Variants in SEMA5A observed in about 807,000 individuals in gnomAD.
The protein encoded by SEMA5A is semaphorin-5A.
In SEMA5A, 55 loss-of-function variants were observed where a neutral mutation model predicts 135.5. The ratio of observed to expected loss-of-function variants is 0.41; its 90% CI spans 0.33 to 0.51. SEMA5A has a LOEUF of 0.51. Ranked by LOEUF, SEMA5A falls within the 20% of genes least tolerant of loss-of-function variation. The pLI is 0.37. For missense variants in SEMA5A, 1,290 were observed against 1,419.9 expected, an observed-to-expected ratio of 0.91 and a Z score of 1.47; for synonymous variants, 580 against 546.5, an observed-to-expected ratio of 1.06 and a Z score of -0.85.
chr5:9,417,971 G>A (rs1278555187), intron 2 of SEMA5A, among the ~76,000 whole-genome samples: 3 of 133,902 alleles, frequency 2.2e-5, no homozygotes, highest in African/African-American at 8.8e-5. Flanking sequence ...GTTCTCCAGT[G>A]TCTCTTCTTT....
At chr5:9,197,784 G>GTT (rs762751857) in intron 9 of SEMA5A, among the ~76,000 whole-genome samples, 34 of 108,692 alleles carry the variant, frequency 3.1e-4, no homozygotes, top group Non-Finnish European at 3.3e-4. Context: ...GTGTGTGTGT[G>GTT]TTTTAACCCA....
intron 11 of SEMA5A, among the ~76,000 whole-genome samples, chr5:9,155,591 C>T (rs1321061571): frequency 6.6e-6 from 1 of 152,176 alleles, no homozygotes; most frequent in Non-Finnish European, 1.5e-5. Flanking sequence ...CTGGAATCAT[C>T]CTGAAGGCCC....
chr5:9,316,412 C>A (rs1280892581), intron 5 of SEMA5A, among the ~76,000 whole-genome samples: 2 of 152,126 alleles, frequency 1.3e-5, no homozygotes, highest in East Asian at 3.9e-4. Context: ...TACTTCTAAA[C>A]CCTCTCAGCT....
intron 5 of SEMA5A, among the ~76,000 whole-genome samples, chr5:9,250,777 T>C (rs3026319): frequency 0.04 from 6,080 of 152,204 alleles, 160 homozygotes; most frequent in Non-Finnish European, 0.059. Flanking sequence ...TACACAAACA[T>C]AAATTTCAAA....
At chr5:9,364,054 G>C (rs1754812187) in intron 3 of SEMA5A, among the ~76,000 whole-genome samples, 1 of 152,122 alleles carries the variant, frequency 6.6e-6, no homozygotes, top group Non-Finnish European at 1.5e-5. Context: ...TCTTAAATAA[G>C]TATAGTAATG....
chr5:9,184,192 C>A (rs1744680311), intron 11 of SEMA5A, among the ~76,000 whole-genome samples: 1 of 151,698 alleles, frequency 6.6e-6, no homozygotes, highest in Non-Finnish European at 1.5e-5. Flanking sequence ...ATTGCATAAC[C>A]ATGTTTCACA....
chr5:9,073,826 C>T (rs900005129), intron 16 of SEMA5A, among the ~76,000 whole-genome samples: 3 of 151,854 alleles, frequency 2.0e-5, no homozygotes, highest in African/African-American at 4.8e-5. Context: ...CAACAAGCTA[C>T]CAGAAATTAA....
At chr5:9,108,099 G>T in intron 16 of SEMA5A, 41 bp downstream of exon 16, 1 of 1,601,242 alleles carries the variant, frequency 6.2e-7, no homozygotes. Flanking sequence ...TGTATTCCTG[G>T]TTCTGGATTG....
At chr5:9,174,086 A>T (rs541431446) in intron 11 of SEMA5A, among the ~76,000 whole-genome samples, 1 of 152,336 alleles carries the variant, frequency 6.6e-6, no homozygotes, top group East Asian at 1.9e-4. Flanking sequence ...CCAAAATAAA[A>T]GTAATTCTGA....
intron 1 of SEMA5A, among the ~76,000 whole-genome samples, chr5:9,460,465 C>A (rs1006868355): frequency 1.2e-4 from 18 of 152,030 alleles, no homozygotes; most frequent in Admixed American, 1.2e-3. Context: ...TTTTTAAAAT[C>A]ATATTTATGA....
intron 11 of SEMA5A, among the ~76,000 whole-genome samples, chr5:9,172,321 T>C (rs1743969861): frequency 6.6e-6 from 1 of 152,222 alleles, no homozygotes; most frequent in African/African-American, 2.4e-5. Context: ...CAGTTCCTTG[T>C]GACGATTGCC....
intron 11 of SEMA5A, among the ~76,000 whole-genome samples, chr5:9,187,100 C>CTTTAACA (rs3839319): frequency 0.11 from 16,587 of 151,764 alleles, 1,502 homozygotes; most frequent in East Asian, 0.29. Context: ...AATCTCTAGT[C>CTTTAACA]TTTAACATTT....
intron 5 of SEMA5A, among the ~76,000 whole-genome samples, chr5:9,241,098 T>C (rs569331634): frequency 6.6e-5 from 10 of 152,256 alleles, no homozygotes; most frequent in African/African-American, 2.2e-4. Flanking sequence ...GCAGTAATAT[T>C]GTGGTTACTT....
chr5:9,196,412 C>T (rs1044303834), intron 10 of SEMA5A, among the ~76,000 whole-genome samples: 12 of 152,164 alleles, frequency 7.9e-5, no homozygotes, highest in African/African-American at 2.9e-4. Flanking sequence ...AAGAGAGAGC[C>T]CTCACCTGAA....
At chr5:9,539,935 T>C (rs1003394029) in intron 1 of SEMA5A, among the ~76,000 whole-genome samples, 5 of 152,180 alleles carry the variant, frequency 3.3e-5, no homozygotes, top group African/African-American at 1.2e-4. Flanking sequence ...ACAAAGACAT[T>C]TGTATTTTAA....
intron 5 of SEMA5A, among the ~76,000 whole-genome samples, chr5:9,263,641 A>G (rs1749524812): frequency 1.3e-5 from 2 of 152,212 alleles, no homozygotes; most frequent in South Asian, 4.1e-4. Context: ...ACCTTTACCT[A>G]TGACATGAAT....
At chr5:9,399,555 A>C (rs1236684728) in intron 2 of SEMA5A, among the ~76,000 whole-genome samples, 1 of 152,224 alleles carries the variant, frequency 6.6e-6, no homozygotes, top group Non-Finnish European at 1.5e-5. Context: ...GTGGTTACAC[A>C]GCTCTGTGAA....
At chr5:9,502,415 C>G (rs963657560) in intron 1 of SEMA5A, among the ~76,000 whole-genome samples, 1 of 152,156 alleles carries the variant, frequency 6.6e-6, no homozygotes, top group Non-Finnish European at 1.5e-5. Flanking sequence ...GCTGAGCCAA[C>G]CATACTTTAA....
chr5:9,225,346 G>A lies in SEMA5A; in HGVS notation c.433-459C>T, dbSNP rs187615370. On this transcript the variant is annotated intron_variant, in intron 7 of 22. Coordinates refer to ENST00000382496, the MANE Select transcript of SEMA5A (RefSeq NM_003966.3). ...AAGCGGGCAGATCACGAGGTCAGGA[G>A]ATCAAGACCATCCTGGCTAACACGG... 5.1e-4 allele frequency among the ~76,000 whole-genome samples: 66 copies of A among 129,604 alleles called. No homozygotes were observed. In the East Asian group the frequency reaches 0.015, roughly 30 times the overall value. 85.0% of individuals were successfully genotyped at this position (129,604 alleles called of 152,430 possible).
Sources: gnomAD v4.1 joint callset for allele counts (sites outside exome capture counted in the v4.1 genomes callset) on GRCh38, gnomAD v4.1.1 for gene constraint, MANE v1.5 for transcripts, NCBI Gene and HGNC (gene_info 2026-07-23, HGNC 2026-07-21) for gene names.